SPAG9: variants seen among roughly 807,000 people sequenced by gnomAD.
The protein encoded by SPAG9 is C-Jun-amino-terminal kinase-interacting protein 4.
SPAG9 carries 35 observed loss-of-function variants against 166.5 expected under a neutral mutation model. The ratio of observed to expected loss-of-function variants is 0.21; its 90% CI spans 0.16 to 0.28. SPAG9 has a LOEUF of 0.28. Among genes scored for constraint, SPAG9 ranks in the 10% least tolerant of loss-of-function variants. The pLI, the probability that SPAG9 is intolerant of heterozygous loss-of-function variation, is 1.00. For missense variants in SPAG9, 1,235 were observed against 1,603.3 expected, an observed-to-expected ratio of 0.77 and a Z score of 3.92; for synonymous variants, 534 against 565.5, an observed-to-expected ratio of 0.94 and a Z score of 0.79.
At position 51,031,727 on chromosome 17, in the gene SPAG9, G is replaced by A; in HGVS notation, c.742-5C>T. ...AGGTTCAGGACTATTGCTGACCTAG[G>A]AAGAGGGAAGATTATAAAAGAGAAA... On this transcript the variant is annotated splice_polypyrimidine_tract_variant and splice_region_variant and intron_variant, in intron 5 of 29. Transcript: ENST00000262013. The A allele has an allele frequency of 6.5e-7, 1 of 1,549,290 alleles. No individual in the cohort carries two copies. The highest frequency in any genetic ancestry group is 8.7e-7 in the Non-Finnish European group (1 of 1,145,058).
rs1567963265 is a variant in SPAG9, at chr17:50,984,811, G to T, written c.3088+112C>A. Reference sequence around the variant, plus strand: ...TATTTACTGATGTTGTGTATTGTTAGTATTTATTCTTTAAACTGAGTATCA... The same window carrying T: ...TATTTACTGATGTTGTGTATTGTTATTATTTATTCTTTAAACTGAGTATCA... On this transcript the variant is annotated intron_variant, in intron 24 of 29. Transcript: ENST00000262013. The T allele has an allele frequency of 4.8e-6, 4 of 825,474 alleles. No homozygotes were observed. The East Asian group carries it at 9.7e-5, about 20-fold the overall frequency. 51.1% of individuals were successfully genotyped at this position (825,474 alleles called of 1,614,324 possible).
chr17:51,109,829 G>A (rs534213205), intron 1 of SPAG9, among the ~76,000 whole-genome samples: 1 of 150,780 alleles, frequency 6.6e-6, no homozygotes, highest in African/African-American at 2.4e-5. Flanking sequence ...CTCCTGCCTC[G>A]GCCCCCCAAG....
At chr17:51,089,271 A>C (rs1380658006) in intron 1 of SPAG9, among the ~76,000 whole-genome samples, 3 of 151,310 alleles carry the variant, frequency 2.0e-5, no homozygotes, top group Admixed American at 6.6e-5. Context: ...TAAAAATACA[A>C]AAATTAGCTG....
At chr17:51,110,463 G>A (rs948903915) in intron 1 of SPAG9, among the ~76,000 whole-genome samples, 4 of 151,966 alleles carry the variant, frequency 2.6e-5, no homozygotes, top group Non-Finnish European at 5.9e-5. Context: ...GGCCGAGGCA[G>A]GCAGATCACT....
Position 50,982,510 on chromosome 17 carries a change from G to A in SPAG9, c.3237+14C>T, listed in dbSNP as rs1241050128. 7 of 1,601,918 alleles carry A rather than the reference G, an allele frequency of 4.4e-6. 1 individual carries two copies. In the East Asian group the frequency reaches 1.6e-4, roughly 36 times the overall value. On this transcript the variant is annotated intron_variant, in intron 25 of 29. Coordinates refer to ENST00000262013, the MANE Select transcript of SPAG9 (RefSeq NM_001130528.3). ...AAATTCAATAAATACAGAAAACATA[G>A]GCTAATAACTTGCCTCTATTTTCAT... is the stretch of plus-strand genomic sequence containing the variant.
intron 2 of SPAG9, among the ~76,000 whole-genome samples, chr17:51,074,263 A>C (rs2047905908): frequency 6.6e-6 from 1 of 151,908 alleles, no homozygotes; most frequent in African/African-American, 2.4e-5. Flanking sequence ...ACAAAACAAA[A>C]AAAACACAAA....
At chr17:50,972,030 G>A (rs1973861997) in intron 28 of SPAG9, among the ~76,000 whole-genome samples, 1 of 152,110 alleles carries the variant, frequency 6.6e-6, no homozygotes, top group Admixed American at 6.5e-5. Context: ...GCCTCCCAAA[G>A]TGCTGGGATT....
intron 1 of SPAG9, among the ~76,000 whole-genome samples, chr17:51,099,758 CT>C (rs1211764096): frequency 1.4e-3 from 71 of 49,230 alleles, no homozygotes; most frequent in African/African-American, 6.5e-3. Context: ...TCTTCTATTA[CT>C]AAAAAAAAAA....
chr17:51,107,117 GA>G (rs1274413637), intron 1 of SPAG9, among the ~76,000 whole-genome samples: 1 of 146,744 alleles, frequency 6.8e-6, no homozygotes, highest in Non-Finnish European at 1.5e-5. Context: ...AAAAAAAAAA[GA>G]AAAAGAACAG....
intron 1 of SPAG9, among the ~76,000 whole-genome samples, chr17:51,093,912 G>T (rs1294234182): frequency 6.6e-6 from 1 of 152,018 alleles, no homozygotes; most frequent in Non-Finnish European, 1.5e-5. Context: ...TAAGAGGTTT[G>T]TTTTCTCAAT....
intron 12 of SPAG9, among the ~76,000 whole-genome samples, chr17:51,003,585 G>C (rs1299431226): frequency 6.6e-6 from 1 of 152,158 alleles, no homozygotes; most frequent in Non-Finnish European, 1.5e-5. Flanking sequence ...ATTACTCTTA[G>C]ACAGAGTATG....
At chr17:51,084,628 C>T (rs1228440168) in intron 1 of SPAG9, among the ~76,000 whole-genome samples, 1 of 152,070 alleles carries the variant, frequency 6.6e-6, no homozygotes, top group African/African-American at 2.4e-5. Flanking sequence ...AGGATGGTCT[C>T]GAACTCCTGA....
intron 9 of SPAG9, 96 bp downstream of exon 9, chr17:51,014,136 G>C: frequency 1.9e-6 from 2 of 1,052,414 alleles, no homozygotes; most frequent in Non-Finnish European, 2.7e-6. Context: ...CTGTATCACT[G>C]AGCAGTTGGG....
At chr17:51,089,909 C>T (rs1221270030) in intron 1 of SPAG9, among the ~76,000 whole-genome samples, 2 of 151,278 alleles carry the variant, frequency 1.3e-5, no homozygotes, top group African/African-American at 4.8e-5. Flanking sequence ...AACTCCTGAC[C>T]TCAGGTGATC....
chr17:51,022,943 A>AAATAATAATAATAATAAT (rs369538903), intron 6 of SPAG9, among the ~76,000 whole-genome samples: 5,141 of 143,106 alleles, frequency 0.036, 321 homozygotes, highest in African/African-American at 0.12. Context: ...CTCCATCTCA[A>AAATAATAATAATAATAAT]AATAATAATA....
chr17:50,968,430 A>G (rs947410521), intron 29 of SPAG9, among the ~76,000 whole-genome samples: 8 of 152,204 alleles, frequency 5.3e-5, no homozygotes, highest in Non-Finnish European at 1.5e-5. Flanking sequence ...CCAAGGGATC[A>G]GTTTATTTAT....
chr17:51,104,558 C>T (rs1227894671), intron 1 of SPAG9, among the ~76,000 whole-genome samples: 2 of 152,108 alleles, frequency 1.3e-5, no homozygotes, highest in East Asian at 3.9e-4. Context: ...ATCGCTTGAA[C>T]CCGGGAGGTG....
intron 9 of SPAG9, among the ~76,000 whole-genome samples, chr17:51,008,896 CAA>C (rs1377406612): frequency 6.6e-6 from 1 of 151,824 alleles, no homozygotes; most frequent in East Asian, 1.9e-4. Context: ...AACTTTTTAA[CAA>C]AGTTATAGAG....
intron 4 of SPAG9, among the ~76,000 whole-genome samples, chr17:51,045,963 A>G (rs1424483007): frequency 6.6e-6 from 1 of 152,232 alleles, no homozygotes; most frequent in Non-Finnish European, 1.5e-5. Context: ...TAAAAGTCTT[A>G]AATTTTTTCA....
Sources: gnomAD v4.1 joint callset for allele counts (sites outside exome capture counted in the v4.1 genomes callset) on GRCh38, gnomAD v4.1.1 for gene constraint, MANE v1.5 for transcripts, NCBI Gene and HGNC (gene_info 2026-07-23, HGNC 2026-07-21) for gene names.